HEATR5B: variants seen among roughly 807,000 people sequenced by gnomAD.
HEATR5B encodes HEAT repeat containing 5B, also known as HEAT repeat-containing protein 5B.
HEATR5B carries 156 observed loss-of-function variants against 224.1 expected under a neutral mutation model. The ratio of observed to expected loss-of-function variants is 0.70; its 90% CI spans 0.61 to 0.80. The LOEUF is 0.80. HEATR5B is among the 30% of genes least tolerant of loss of function. HEATR5B has a pLI of 0.00. For synonymous variants in HEATR5B, 1,027 were observed against 893.0 expected (o/e 1.15, Z -2.68); for missense variants, 2,323 against 2,535.5 (o/e 0.92, Z 1.80).
At chr2:37,063,946 G>T (rs900972661) in intron 10 of HEATR5B, among the ~76,000 whole-genome samples, 8 of 152,046 alleles carry the variant, frequency 5.3e-5, no homozygotes, top group African/African-American at 1.9e-4. Flanking sequence ...CAAGTAGCTG[G>T]GATTACAGGC....
intron 24 of HEATR5B, among the ~76,000 whole-genome samples, chr2:37,026,065 T>C (rs1668751847): frequency 6.6e-6 from 1 of 152,208 alleles, no homozygotes; most frequent in African/African-American, 2.4e-5. Context: ...GCCTAAATTA[T>C]CAAGGCAGAC....
In HEATR5B at chr2:37,008,834, A is replaced by G; in HGVS notation, c.4299T>C (p.Ala1433=). The change falls in exon 28 of 36, where the codon GCT becomes GCC. Residue 1433 remains alanine, a synonymous_variant. Transcript: ENST00000233099. ...LKAWAEVYVV[A]MNIKKEAESK... ...ACTCTGCTTCCTTTTTAATATTCATAGCGACCACATATACCTAATATGATA... is the reference window on the plus strand; with the variant it reads ...ACTCTGCTTCCTTTTTAATATTCATGGCGACCACATATACCTAATATGATA... 6.2e-7 allele frequency: 1 copy of G among 1,604,090 alleles called. No homozygotes were observed. Among genetic ancestry groups the G allele is most frequent in the Non-Finnish European group, 8.5e-7 (1 of 1,171,094 alleles).
rs756157250 is a variant in HEATR5B, at chr2:37,003,592, T to G, written c.5000A>C (p.Gln1667Pro). 6.2e-7 allele frequency: 1 copy of G among 1,612,476 alleles called. No individual in the cohort carries two copies. Among genetic ancestry groups the G allele is most frequent in the East Asian group, 2.2e-5 (1 of 44,866 alleles). ...ATAATCCTGAGCAGCTCTTACTATC[T>G]GTTGTACAACTCCAGTAACCAACAG... ...VQLLVTGVVQ[Q>P]IVRAAQDYLQ... Residue 1667 changes from glutamine (Q) to proline (P), a missense_variant, in exon 31 of 36, where the codon CAG (glutamine) becomes CCG (proline). Gln to Pro is a moderately conservative substitution (Grantham distance 76). This residue lies in a region of HEATR5B where 844 missense variants were observed against 812.9 expected (regional missense o/e 1.04). Coordinates refer to ENST00000233099, the MANE Select transcript of HEATR5B (RefSeq NM_019024.3).
chr2:37,065,961 GA>G lies in HEATR5B; in HGVS notation c.1178-52del, dbSNP rs1356141401. ...ACATAGGAGAAATGAATTGTGGTAT[GA>G]TTTTTTTGGTCTATACAATTTATGA... On this transcript the variant is annotated intron_variant, in intron 8 of 35. Coordinates refer to ENST00000233099, the MANE Select transcript of HEATR5B (RefSeq NM_019024.3). 4 of 1,532,870 alleles carry G rather than the reference GA, an allele frequency of 2.6e-6. No individual in the cohort carries two copies. The African/African-American group carries it at 5.5e-5, about 21-fold the overall frequency. The allele number at this position is 1,532,870 out of a possible 1,614,324, so 95.0% of individuals were successfully genotyped here. A position where few individuals can be genotyped will look rare whatever the true frequency, so the allele number is the denominator to read the frequency against.
chr2:37,008,599 T>A lies in HEATR5B; in HGVS notation c.4522+12A>T. On this transcript the variant is annotated intron_variant, in intron 28 of 35. Transcript: ENST00000233099. ...AACTCCATAAAAGTAAAACTCAGAA[T>A]GTAATACTCACCATCTGGAGGAAGC... The A allele has an allele frequency of 6.4e-7, 1 of 1,563,888 alleles. No homozygotes were observed. Among genetic ancestry groups the A allele is most frequent in the Non-Finnish European group, 8.8e-7 (1 of 1,134,092 alleles).
chr2:37,048,273 C>T (rs552472446), intron 18 of HEATR5B, among the ~76,000 whole-genome samples: 5 of 151,976 alleles, frequency 3.3e-5, no homozygotes, highest in Non-Finnish European at 7.4e-5. Context: ...CAACCTCCAC[C>T]TCCCAGGCTC....
intron 2 of HEATR5B, among the ~76,000 whole-genome samples, chr2:37,079,898 TC>T (rs1672449578): frequency 6.6e-6 from 1 of 152,100 alleles, no homozygotes; most frequent in Non-Finnish European, 1.5e-5. Context: ...GACAAACAAG[TC>T]CCTGCCCTCA....
chr2:36,988,701 A>T lies in HEATR5B; in HGVS notation c.5856T>A (p.Val1952=). 6.2e-7 allele frequency: 1 copy of T among 1,614,142 alleles called. No individual in the cohort carries two copies. Among genetic ancestry groups the T allele is most frequent in the Non-Finnish European group, 8.5e-7 (1 of 1,180,004 alleles). ...RPASNIELLA[V]QEGIKVLETL... is the part of the protein sequence containing the mutation. ...TTTCAAGAACTTTTATTCCTTCTTG[A>T]ACCGCTAAAAGCTCTATGTTACTGG... The change falls in exon 35 of 36, where the codon GTT becomes GTA. Residue 1952 remains valine (V), a synonymous_variant. Coordinates refer to ENST00000233099, the MANE Select transcript of HEATR5B (RefSeq NM_019024.3).
chr2:37,049,249 C>T (rs78751845), intron 18 of HEATR5B, among the ~76,000 whole-genome samples: 16,898 of 152,036 alleles, frequency 0.11, 1,226 homozygotes, highest in African/African-American at 0.2. Context: ...ATAAACTTGG[C>T]AGCAGTTAGA....
At chr2:37,016,533 G>C (rs1353997629) in intron 26 of HEATR5B, among the ~76,000 whole-genome samples, 1 of 152,104 alleles carries the variant, frequency 6.6e-6, no homozygotes. Flanking sequence ...CAAGATGTGT[G>C]GCAGCACCCC....
chr2:37,006,619 C>G (rs1456426750), intron 29 of HEATR5B, among the ~76,000 whole-genome samples: 1 of 152,116 alleles, frequency 6.6e-6, no homozygotes, highest in Non-Finnish European at 1.5e-5. Context: ...CCAGCCTGGG[C>G]AACAAGAGTG....
intron 30 of HEATR5B, among the ~76,000 whole-genome samples, 179 bp downstream of exon 30, chr2:37,005,453 C>T (rs558216754): frequency 1.5e-4 from 23 of 152,204 alleles, no homozygotes; most frequent in Admixed American, 3.9e-4. Context: ...CCTCAAACCA[C>T]GTTTGAGGCA....
chr2:37,074,059 C>A (rs576418380), intron 5 of HEATR5B, among the ~76,000 whole-genome samples: 1 of 152,210 alleles, frequency 6.6e-6, no homozygotes, highest in South Asian at 2.1e-4. Context: ...TGGTGGCTCA[C>A]GCCTGTAATC....
At position 37,064,933 on chromosome 2, in the gene HEATR5B, G is replaced by A; in HGVS notation, c.1391C>T (p.Ala464Val). 1 of 1,614,082 alleles carries A rather than the reference G, an allele frequency of 6.2e-7. No homozygotes were observed. Among genetic ancestry groups the A allele is most frequent in the Non-Finnish European group, 8.5e-7 (1 of 1,180,004 alleles). ...LLHPSMAARLAAAWCLRCVAV... is the reference protein window; with the variant it reads ...LLHPSMAARLVAAWCLRCVAV... ...CACACAGCGCAAACACCATGCAGCAGCAAGTCGGGCAGCCATGCTTGGATG... is the reference window on the plus strand; with the variant it reads ...CACACAGCGCAAACACCATGCAGCAACAAGTCGGGCAGCCATGCTTGGATG... The change falls in exon 10 of 36, where the codon GCT (alanine) becomes GTT (valine). Residue 464 changes from alanine (A) to valine (V), a missense_variant. Ala to Val is a moderately conservative substitution (Grantham distance 64). This residue lies in a region of HEATR5B where 502 missense variants were observed against 517.8 expected (regional missense o/e 0.97). Transcript: ENST00000233099.
intron 26 of HEATR5B, among the ~76,000 whole-genome samples, chr2:37,018,632 T>C (rs905261451): frequency 6.6e-6 from 1 of 152,188 alleles, no homozygotes; most frequent in Non-Finnish European, 1.5e-5. Context: ...AAACCTATTA[T>C]TGCAGAATCT....
intron 26 of HEATR5B, among the ~76,000 whole-genome samples, chr2:37,016,537 G>A (rs1668130227): frequency 6.6e-6 from 1 of 152,152 alleles, no homozygotes; most frequent in African/African-American, 2.4e-5. Context: ...ATGTGTGGCA[G>A]CACCCCATAA....
intron 10 of HEATR5B, among the ~76,000 whole-genome samples, chr2:37,064,460 G>C (rs1229557450): frequency 6.6e-6 from 1 of 151,676 alleles, no homozygotes; most frequent in East Asian, 1.9e-4. Context: ...TTTTTGTAAT[G>C]ATGGGGTCTC....
At chr2:37,064,638 A>T in intron 10 of HEATR5B, 102 bp downstream of exon 10, 1 of 1,115,430 alleles carries the variant, frequency 9.0e-7, no homozygotes, top group Non-Finnish European at 1.3e-6. Flanking sequence ...AACATAGTAC[A>T]ACTGTTATTT....
Position 36,990,669 on chromosome 2 carries a change from T to C in HEATR5B, c.5676A>G (p.Ala1892=), listed in dbSNP as rs367658591. The C allele has an allele frequency of 5.8e-5, 93 of 1,594,738 alleles. No individual in the cohort carries two copies. Among genetic ancestry groups the C allele is most frequent in the Non-Finnish European group, 7.3e-5 (85 of 1,170,774 alleles). The change falls in exon 34 of 36, where the codon GCA becomes GCG. Residue 1892 remains alanine (A), a synonymous_variant. Transcript: ENST00000233099. ...QNGCMNRFKN[A]LNSCDPWVQA... is the part of the protein sequence containing the mutation. ...TTACCCATGGGTCGCATGAATTTAA[T>C]GCATTTTTAAATCTGTTCATGCAGC...
Sources: gnomAD v4.1 joint callset for allele counts (sites outside exome capture counted in the v4.1 genomes callset) on GRCh38, gnomAD v4.1.1 for gene constraint, gnomAD v4.1.1 regional missense constraint, MANE v1.5 for transcripts, NCBI Gene and HGNC (gene_info 2026-07-23, HGNC 2026-07-21) for gene names.